Variants in ROBO1 observed in about 807,000 individuals in gnomAD.
ROBO1 encodes the protein roundabout homolog 1.
ROBO1 carries 149 observed loss-of-function variants against 195.9 expected under a neutral mutation model. The observed-to-expected ratio is 0.76, with a 90% CI of 0.67 to 0.87. The LOEUF (loss-of-function observed/expected upper bound fraction) is 0.87. Ranked by LOEUF, ROBO1 falls within the 40% of genes least tolerant of loss-of-function variation. ROBO1 has a pLI of 0.00. For missense variants in ROBO1, 1,933 were observed against 2,068.3 expected, an observed-to-expected ratio of 0.93 and a Z score of 1.27; for synonymous variants, 816 against 733.2, an observed-to-expected ratio of 1.11 and a Z score of -1.82.
At chr3:78,911,592 T>G (rs1351344289) in intron 4 of ROBO1, among the ~76,000 whole-genome samples, 1 of 152,078 alleles carries the variant, frequency 6.6e-6, no homozygotes, top group Non-Finnish European at 1.5e-5. Context: ...CTGCTGATCC[T>G]GATCCTACTG....
intron 2 of ROBO1, among the ~76,000 whole-genome samples, chr3:79,469,400 A>C (rs1403616331): frequency 1.3e-5 from 2 of 152,232 alleles, no homozygotes; most frequent in African/African-American, 4.8e-5. Context: ...TAGGAAACAA[A>C]AAGCAAAACA....
intron 3 of ROBO1, among the ~76,000 whole-genome samples, chr3:79,028,519 G>T (rs1276338571): frequency 6.6e-6 from 1 of 151,884 alleles, no homozygotes; most frequent in Non-Finnish European, 1.5e-5. Context: ...GTGAAGGTGT[G>T]CATAATCTGA....
At chr3:79,760,964 G>T (rs1488253933) in intron 1 of ROBO1, among the ~76,000 whole-genome samples, 1 of 150,876 alleles carries the variant, frequency 6.6e-6, no homozygotes, top group African/African-American at 2.4e-5. Context: ...CCAAAAAATT[G>T]CTACAGTCTG....
At chr3:78,626,641 CA>C (rs1240370278) in intron 26 of ROBO1, among the ~76,000 whole-genome samples, 1 of 152,026 alleles carries the variant, frequency 6.6e-6, no homozygotes, top group African/African-American at 2.4e-5. Flanking sequence ...GGTGCAGGAA[CA>C]GCTTTTATGT....
chr3:79,495,997 G>A (rs1939709550), intron 2 of ROBO1, among the ~76,000 whole-genome samples: 2 of 152,048 alleles, frequency 1.3e-5, no homozygotes, highest in Admixed American at 1.3e-4. Context: ...TGGATCACCT[G>A]AGTTTAGGAG....
At chr3:79,653,294 A>C (rs1246296837) in intron 1 of ROBO1, among the ~76,000 whole-genome samples, 1 of 151,918 alleles carries the variant, frequency 6.6e-6, no homozygotes, top group East Asian at 1.9e-4. Context: ...TTCTTGTCAA[A>C]TATAACTCTT....
At chr3:79,557,741 A>G (rs60955466) in intron 2 of ROBO1, among the ~76,000 whole-genome samples, 21 of 105,972 alleles carry the variant, frequency 2.0e-4, no homozygotes, top group Admixed American at 1.9e-3. Flanking sequence ...AAAACAAAAA[A>G]AAATATATAT....
At chr3:79,105,363 T>C (rs2079758908) in intron 3 of ROBO1, among the ~76,000 whole-genome samples, 1 of 151,708 alleles carries the variant, frequency 6.6e-6, no homozygotes, top group Non-Finnish European at 1.5e-5. Context: ...AAAGGGAAAC[T>C]GCAACTTGCT....
intron 4 of ROBO1, among the ~76,000 whole-genome samples, chr3:78,777,542 A>G (rs767183334): frequency 6.6e-6 from 1 of 152,200 alleles, no homozygotes; most frequent in Non-Finnish European, 1.5e-5. Flanking sequence ...TGTAGTTGAA[A>G]GTCATGGGAA....
At chr3:79,290,575 C>T (rs1012049630) in intron 2 of ROBO1, among the ~76,000 whole-genome samples, 8 of 152,076 alleles carry the variant, frequency 5.3e-5, no homozygotes, top group African/African-American at 7.2e-5. Context: ...CTCTCGACAC[C>T]TCTCTCTACT....
At position 78,661,216 on chromosome 3, in the gene ROBO1, G is replaced by A. The variant is rs1707380067; in HGVS notation, c.2134C>T (p.Arg712Trp). 5 of 1,612,494 alleles carry A rather than the reference G, an allele frequency of 3.1e-6. No individual in the cohort carries two copies. Among genetic ancestry groups the A allele is most frequent in the Non-Finnish European group, 2.5e-6 (3 of 1,179,204 alleles). The change falls in exon 16 of 31, where the codon CGG becomes TGG. Residue 712 changes from arginine to tryptophan, a missense_variant. By Grantham distance (101) the Arg-to-Trp change is moderately radical. Around this residue, in one of 3 missense-constraint regions of ROBO1, gnomAD observed 1,737 missense variants for 1,882.5 expected, o/e 0.92. Transcript: ENST00000464233. ...QYIQGYKILY[R>W]PSGANHGESD... ...TCTCCGTGGTTGGCTCCAGATGGCC[G>A]ATAGAGAATTTTATATCCTTGTATA...
At chr3:79,483,336 T>C (rs760789827) in intron 2 of ROBO1, among the ~76,000 whole-genome samples, 11 of 152,204 alleles carry the variant, frequency 7.2e-5, no homozygotes, top group African/African-American at 1.7e-4. Flanking sequence ...TGTGGTCCCA[T>C]TGAATGGGGC....
chr3:79,240,411 G>C (rs1486435883), intron 2 of ROBO1, among the ~76,000 whole-genome samples: 3 of 152,082 alleles, frequency 2.0e-5, no homozygotes, highest in African/African-American at 7.2e-5. Flanking sequence ...CACAAACACA[G>C]GATTGTGTTT....
At chr3:78,751,033 AT>A (rs2082780909) in intron 4 of ROBO1, among the ~76,000 whole-genome samples, 1 of 152,168 alleles carries the variant, frequency 6.6e-6, no homozygotes, top group Non-Finnish European at 1.5e-5. Context: ...TCACTTTATT[AT>A]TGCAAAAGGC....
chr3:79,733,387 C>T (rs1703239231), intron 1 of ROBO1, among the ~76,000 whole-genome samples: 1 of 152,148 alleles, frequency 6.6e-6, no homozygotes, highest in Non-Finnish European at 1.5e-5. Context: ...AGGATGACAA[C>T]ATTTTTTCCC....
chr3:79,597,873 T>C (rs1055840988), intron 1 of ROBO1, among the ~76,000 whole-genome samples: 1 of 152,058 alleles, frequency 6.6e-6, no homozygotes, highest in South Asian at 2.1e-4. Flanking sequence ...GTTGCAGAAG[T>C]AAGGAAATTG....
intron 2 of ROBO1, among the ~76,000 whole-genome samples, chr3:79,138,893 G>A (rs1439799710): frequency 6.6e-6 from 1 of 151,668 alleles, no homozygotes; most frequent in Non-Finnish European, 1.5e-5. Flanking sequence ...TTTTCTGAGA[G>A]GCTGCTCTTG....
intron 4 of ROBO1, among the ~76,000 whole-genome samples, chr3:78,907,045 G>C (rs2037964624): frequency 6.6e-6 from 1 of 151,946 alleles, no homozygotes. Context: ...AGAAGTATTT[G>C]CATAGCCTTT....
At chr3:78,600,394 C>A in intron 29 of ROBO1, 85 bp from the exon 30 acceptor site, 1 of 872,738 alleles carries the variant, frequency 1.1e-6, no homozygotes. Flanking sequence ...ATCTGTAATT[C>A]TGAATAAGGA....
Sources: allele counts gnomAD v4.1 joint callset (sites outside exome capture counted in the v4.1 genomes callset), GRCh38; gene constraint gnomAD v4.1.1; regional missense constraint gnomAD v4.1.1; transcripts MANE v1.5; gene names NCBI Gene and HGNC (gene_info 2026-07-23, HGNC 2026-07-21).